LDLRAD4: variants seen among roughly 807,000 people sequenced by gnomAD.
LDLRAD4 encodes low density lipoprotein receptor class A domain containing 4.
In LDLRAD4, 5 loss-of-function variants were observed where a neutral mutation model predicts 17.0. The observed-to-expected ratio is 0.29, with a 90% CI of 0.15 to 0.62. The LOEUF is 0.62. LDLRAD4 is among the 20% of genes least tolerant of loss of function. LDLRAD4 has a pLI of 0.84. For missense variants in LDLRAD4, 340 were observed against 424.7 expected, an observed-to-expected ratio of 0.80 and a Z score of 1.75; for synonymous variants, 168 against 171.8, an observed-to-expected ratio of 0.98 and a Z score of 0.17.
In LDLRAD4 at chr18:13,436,651, A is replaced by G. The variant is rs182062963; in HGVS notation, c.41-1593A>G. On this transcript the variant is annotated intron_variant, in intron 2 of 5. Transcript: ENST00000359446. ...TTTTCCCTTGACATCCCTTTTTTCC[A>G]TTAAGTTAAAAAAATGTTACTTAGT... is the stretch of plus-strand genomic sequence containing the variant. 2.4e-3 allele frequency among the ~76,000 whole-genome samples: 371 copies of G among 152,156 alleles called. 1 individual carries two copies. Among genetic ancestry groups the G allele is most frequent in the Non-Finnish European group, 1.2e-3 (83 of 67,986 alleles).
chr18:13,323,443 G>A (rs1227859405), intron 1 of LDLRAD4, among the ~76,000 whole-genome samples: 8 of 152,174 alleles, frequency 5.3e-5, no homozygotes, highest in African/African-American at 1.7e-4. Flanking sequence ...TAGTTTTTGC[G>A]TCCTGAGCTG....
intron 4 of LDLRAD4, chr18:13,642,838 C>A (rs964532302): frequency 3.6e-6 from 3 of 838,722 alleles, no homozygotes; most frequent in Non-Finnish European, 4.8e-6. Context: ...TTGTTCACAG[C>A]CCTCCATGTA....
intron 4 of LDLRAD4, among the ~76,000 whole-genome samples, chr18:13,625,647 G>A (rs1396998534): frequency 6.6e-6 from 1 of 152,044 alleles, no homozygotes; most frequent in Non-Finnish European, 1.5e-5. Flanking sequence ...CCCATAGGGT[G>A]TGCTCCTGTG....
chr18:13,432,242 C>A (rs1283992357), intron 2 of LDLRAD4, among the ~76,000 whole-genome samples: 1 of 152,214 alleles, frequency 6.6e-6, no homozygotes, highest in East Asian at 1.9e-4. Context: ...ATCGACTTTT[C>A]ATTTCTGAAA....
rs965270054 is a variant in LDLRAD4, at chr18:13,380,909, GC to G, written c.-382-6425del. 3.3e-5 allele frequency among the ~76,000 whole-genome samples: 5 copies of G among 151,952 alleles called. No individual in the cohort carries two copies. The South Asian group carries it at 8.3e-4, about 25-fold the overall frequency. On this transcript the variant is annotated intron_variant, in intron 1 of 5. Coordinates refer to ENST00000359446, the Ensembl canonical transcript of LDLRAD4. ...TGTTACAAAAGCTACATGTTATTTTGCCCCCCCACATCACAGAGATGAAAAG... is the reference window on the plus strand; with the variant it reads ...TGTTACAAAAGCTACATGTTATTTTGCCCCCCACATCACAGAGATGAAAAG...
At chr18:13,537,584 G>C (rs1024703815) in intron 3 of LDLRAD4, among the ~76,000 whole-genome samples, 2 of 152,196 alleles carry the variant, frequency 1.3e-5, no homozygotes, top group Non-Finnish European at 2.9e-5. Flanking sequence ...CTCACCTCCT[G>C]CTGTGCGGCC....
rs146066695 is a variant in LDLRAD4 at position 13,645,157 on chromosome 18, T to C, written c.421T>C (p.Phe141Leu). The C allele has an allele frequency of 7.7e-5, 125 of 1,613,484 alleles. No individual in the cohort carries two copies. In the African/African-American group the frequency reaches 1.5e-3, roughly 20 times the overall value. The change falls in exon 6 of 6, where the codon TTC becomes CTC. Residue 141 changes from phenylalanine (F) to leucine (L), a missense_variant. Phe to Leu is a conservative substitution (Grantham distance 22). Coordinates refer to ENST00000359446, the Ensembl canonical transcript of LDLRAD4. This position sits in a 1 kb window ranked among gnomAD's most constrained non-coding sequence, Gnocchi z 5.7. ...GCATGCCCCGCGGTCCAGGGACAGG[T>C]TCACAGCGCCGTCCTTCATCCAGAG...
intron 1 of LDLRAD4, among the ~76,000 whole-genome samples, chr18:13,236,180 C>T (rs1159261346): frequency 2.0e-5 from 3 of 152,128 alleles, no homozygotes; most frequent in Non-Finnish European, 2.9e-5. Flanking sequence ...CCGTCGCTCC[C>T]GAGCTGGGCT....
chr18:13,630,264 C>G (rs1246788613), intron 4 of LDLRAD4, among the ~76,000 whole-genome samples: 2 of 152,138 alleles, frequency 1.3e-5, no homozygotes, highest in Non-Finnish European at 2.9e-5. Flanking sequence ...TCTGAGAAGT[C>G]TGATGATGGA....
chr18:13,341,719 C>CT (rs1212997274), intron 1 of LDLRAD4, among the ~76,000 whole-genome samples: 1 of 152,052 alleles, frequency 6.6e-6, no homozygotes, highest in African/African-American at 2.4e-5. Context: ...ATTTGGATGT[C>CT]TTTTATTTCT....
intron 3 of LDLRAD4, among the ~76,000 whole-genome samples, chr18:13,618,078 G>C (rs1417366128): frequency 6.6e-6 from 1 of 152,178 alleles, no homozygotes; most frequent in African/African-American, 2.4e-5. Flanking sequence ...AAAAAAGCAA[G>C]CCACCTGAAC....
At chr18:13,235,177 G>C (rs539161190) in intron 1 of LDLRAD4, 2 of 152,218 alleles carry the variant, frequency 1.3e-5, no homozygotes, top group South Asian at 4.1e-4. Context: ...TTTAAACCCG[G>C]GAGGTAGAGG....
intron 3 of LDLRAD4, chr18:13,543,568 A>G (rs1348239047): frequency 6.6e-6 from 1 of 152,252 alleles, no homozygotes; most frequent in Non-Finnish European, 1.5e-5. Context: ...GAGAATTTAC[A>G]TGATTGCATT....
intron 3 of LDLRAD4, chr18:13,520,905 CT>C (rs899314267): frequency 4.6e-5 from 7 of 152,106 alleles, no homozygotes; most frequent in African/African-American, 1.7e-4. Flanking sequence ...ACAGGAAAGT[CT>C]TTGTCAGAGA....
chr18:13,367,401 G>A lies in LDLRAD4; in HGVS notation c.-382-19940G>A, dbSNP rs7237891. ...GACTGGCAGGCAGGAAAGGGGGCGA[G>A]GGGGTCTCAGGCATTGAACTGCGTG... On this transcript the variant is annotated intron_variant, in intron 1 of 5. Coordinates refer to ENST00000359446, the Ensembl canonical transcript of LDLRAD4. This position sits in a 1 kb window ranked among gnomAD's most constrained non-coding sequence, Gnocchi z 4.1. Among the ~76,000 whole-genome samples the A allele has an allele frequency of 9.5e-3, 1,447 of 152,274 alleles. 13 individuals carry two copies. The highest frequency in any genetic ancestry group is 0.026 in the African/African-American group (1,060 of 41,556).
intron 2 of LDLRAD4, among the ~76,000 whole-genome samples, chr18:13,434,652 G>A (rs1168475315): frequency 6.6e-6 from 1 of 152,126 alleles, no homozygotes; most frequent in Non-Finnish European, 1.5e-5. Flanking sequence ...GTGTAGTTTA[G>A]GGGTCAAAAC....
chr18:13,344,063 C>T (rs1004443489), intron 1 of LDLRAD4, among the ~76,000 whole-genome samples: 2 of 152,186 alleles, frequency 1.3e-5, no homozygotes, highest in Admixed American at 6.5e-5. Flanking sequence ...GTTTCTTTTG[C>T]TGTGCAGAAG....
intron 3 of LDLRAD4, among the ~76,000 whole-genome samples, chr18:13,548,959 T>C (rs1442555258): frequency 3.9e-5 from 6 of 152,260 alleles, no homozygotes; most frequent in Non-Finnish European, 7.3e-5. Flanking sequence ...ATGGGGAATC[T>C]ATTAATTATT....
chr18:13,607,086 T>A (rs956972234), intron 3 of LDLRAD4, among the ~76,000 whole-genome samples: 5 of 152,204 alleles, frequency 3.3e-5, no homozygotes, highest in Non-Finnish European at 1.5e-5. Context: ...GTTGCTACAT[T>A]TGTTGACTGT....
Sources: gnomAD v4.1 joint callset for allele counts (sites outside exome capture counted in the v4.1 genomes callset) on GRCh38, gnomAD v4.1.1 for gene constraint, Gnocchi (gnomAD v3.1) non-coding constraint, MANE v1.5 for transcripts, NCBI Gene and HGNC (gene_info 2026-07-23, HGNC 2026-07-21) for gene names.